Variants in TMEM201 observed in about 807,000 individuals in gnomAD.
TMEM201 encodes transmembrane protein 201.
A neutral mutation model predicts 63.4 loss-of-function variants in TMEM201; 26 were observed. That is an observed-to-expected ratio of 0.41 (90% CI 0.30 to 0.57). TMEM201 has a LOEUF of 0.57. Among genes scored for constraint, TMEM201 ranks in the 20% least tolerant of loss-of-function variants. The probability of loss-of-function intolerance (pLI) is 0.29; values close to 1 mark genes in which losing one functional copy is unlikely to be tolerated. For synonymous variants in TMEM201, 417 were observed against 421.6 expected (o/e 0.99, Z 0.14); for missense variants, 794 against 917.7 (o/e 0.87, Z 1.74).
At position 9,595,958 on chromosome 1, in the gene TMEM201, A is replaced by G; in HGVS notation, c.182A>G (p.Asn61Ser). The change falls in exon 2 of 11, where the codon AAC becomes AGC. Residue 61 changes from asparagine (N) to serine (S), a missense_variant. Coordinates refer to ENST00000340381, the MANE Select transcript of TMEM201 (RefSeq NM_001130924.3). ...CNQDTLVPYG[N>S]RNCWDCPHCE... Reference sequence around the variant, plus strand: ...CAGGATACGCTGGTGCCCTATGGGAACCGCAACTGCTGGGACTGTCCCCAC... The same window carrying G: ...CAGGATACGCTGGTGCCCTATGGGAGCCGCAACTGCTGGGACTGTCCCCAC... 6.2e-7 allele frequency: 1 copy of G among 1,613,594 alleles called. No homozygotes were observed.
chr1:9,591,358 A>T (rs555746726), intron 1 of TMEM201, among the ~76,000 whole-genome samples: 1 of 152,190 alleles, frequency 6.6e-6, no homozygotes, highest in Non-Finnish European at 1.5e-5. Context: ...CCAGAACTTC[A>T]GCTTGTCAGC....
intron 1 of TMEM201, among the ~76,000 whole-genome samples, chr1:9,593,771 G>A (rs1013996729): frequency 1.3e-5 from 2 of 152,184 alleles, no homozygotes; most frequent in African/African-American, 2.4e-5. Context: ...GGGGCCTTCC[G>A]TGGGGATAGG....
Position 9,603,244 on chromosome 1 carries a change from G to A in TMEM201, c.1160+972G>A, listed in dbSNP as rs987994719. 8.1e-6 allele frequency: 8 copies of A among 985,254 alleles called. No homozygotes were observed. Among genetic ancestry groups the A allele is most frequent in the Non-Finnish European group, 9.6e-6 (8 of 829,884 alleles). The allele number at this position is 985,254 out of a possible 1,614,324, so 61.0% of individuals were successfully genotyped here. ...CTCCTCAGTAGCAGGGCCTGGCCAG[G>A]CCCCTGCTGTTCTCAGCCTCAGTTT... is the stretch of plus-strand genomic sequence containing the variant. On this transcript the variant is annotated intron_variant, in intron 6 of 10. Transcript: ENST00000340381. This position sits in a 1 kb window ranked among gnomAD's most constrained non-coding sequence, Gnocchi z 4.5.
At chr1:9,596,511 G>A (rs1569919695) in intron 2 of TMEM201, among the ~76,000 whole-genome samples, 1 of 152,206 alleles carries the variant, frequency 6.6e-6, no homozygotes, top group Non-Finnish European at 1.5e-5. Flanking sequence ...GCTCCTCCAC[G>A]GGTCATAGTG....
chr1:9,600,880 A>G (rs1644125663), intron 4 of TMEM201, among the ~76,000 whole-genome samples: 1 of 152,196 alleles, frequency 6.6e-6, no homozygotes, highest in African/African-American at 2.4e-5. Context: ...AAATAAGGTC[A>G]CTACAATATG....
Position 9,603,653 on chromosome 1 carries a change from G to A in TMEM201, c.1160+1381G>A, listed in dbSNP as rs1365475582. 1.0e-6 allele frequency: 1 copy of A among 985,350 alleles called. No homozygotes were observed. The highest frequency in any genetic ancestry group is 1.2e-6 in the Non-Finnish European group (1 of 829,984). 61.0% of individuals were successfully genotyped at this position (985,350 alleles called of 1,614,324 possible). A position where few individuals can be genotyped will look rare whatever the true frequency, so the allele number is the denominator to read the frequency against. On this transcript the variant is annotated intron_variant, in intron 6 of 10. Transcript: ENST00000340381. This position sits in a 1 kb window ranked among gnomAD's most constrained non-coding sequence, Gnocchi z 4.5. ...TACACCCGTCACCTGGGTCTGCCGGGATGGGTTGGGGGGGCAGGTGCCAGG... is the reference window on the plus strand; with the variant it reads ...TACACCCGTCACCTGGGTCTGCCGGAATGGGTTGGGGGGGCAGGTGCCAGG...
rs568102465 is a variant in TMEM201, at chr1:9,603,741, G to A, written c.1160+1469G>A. On this transcript the variant is annotated intron_variant, in intron 6 of 10. Coordinates refer to ENST00000340381, the MANE Select transcript of TMEM201 (RefSeq NM_001130924.3). The surrounding 1 kb of genome is among the most constrained non-coding windows in gnomAD (Gnocchi z 4.5). ...GAGGCTGCCCCACCCCAGTGATTGG[G>A]TAGCAGCTCACATCCCACCCAGCTT... 1.8e-4 allele frequency: 174 copies of A among 985,444 alleles called. 1 individual carries two copies. In the East Asian group the frequency reaches 3.3e-3, roughly 19 times the overall value. 61.0% of individuals were successfully genotyped at this position (985,444 alleles called of 1,614,324 possible). A position where few individuals can be genotyped will look rare whatever the true frequency, so the allele number is the denominator to read the frequency against.
At chr1:9,593,621 T>A (rs1269658652) in intron 1 of TMEM201, among the ~76,000 whole-genome samples, 1 of 152,292 alleles carries the variant, frequency 6.6e-6, no homozygotes, top group Non-Finnish European at 1.5e-5. Flanking sequence ...AGATTCAGAA[T>A]GGAAACATGA....
chr1:9,614,256 C>T lies in TMEM201; in HGVS notation c.*1173C>T, dbSNP rs1294762416. 1 of 152,048 alleles carries T rather than the reference C, an allele frequency of 6.6e-6. No individual in the cohort carries two copies. Among genetic ancestry groups the T allele is most frequent in the Non-Finnish European group, 1.5e-5 (1 of 68,006 alleles). 9.4% of individuals were successfully genotyped at this position (152,048 alleles called of 1,614,324 possible). A position where few individuals can be genotyped will look rare whatever the true frequency, so the allele number is the denominator to read the frequency against. ...GGCGGGAAGAAGGGTCTTCACTCTG[C>T]CATTCAGGGATAAAGTTTAATTTTA... On this transcript the variant is annotated 3_prime_UTR_variant, in exon 11 of 11. Coordinates refer to ENST00000340381, the MANE Select transcript of TMEM201 (RefSeq NM_001130924.3).
At position 9,601,443 on chromosome 1, in the gene TMEM201, T is replaced by C; in HGVS notation, c.945T>C (p.Ala315=). 1 of 1,586,568 alleles carries C rather than the reference T, an allele frequency of 6.3e-7. No individual in the cohort carries two copies. The highest frequency in any genetic ancestry group is 8.5e-7 in the Non-Finnish European group (1 of 1,170,934). ...CCTGCCTGCTGGCAATGCTGCTGGC[T>C]GGCCGCATCAGGTGTGCATGGGGCC... The part of the protein sequence containing the change: ...LLTCLLAMLL[A]GRIRLRRIDA... The change falls in exon 5 of 11, where the codon GCT becomes GCC. Residue 315 remains alanine (A), a synonymous_variant. Transcript: ENST00000340381.
At chr1:9,599,796 G>T (rs1644101407) in intron 4 of TMEM201, among the ~76,000 whole-genome samples, 2 of 150,974 alleles carry the variant, frequency 1.3e-5, no homozygotes, top group South Asian at 4.2e-4. Context: ...ATTTTTAGTA[G>T]AGACGGGTTT....
Position 9,605,660 on chromosome 1 carries a change from A to G in TMEM201, c.1161-1897A>G, listed in dbSNP as rs772780433. Among the ~76,000 whole-genome samples, 1 of 151,826 alleles carries G rather than the reference A, an allele frequency of 6.6e-6. No individual in the cohort carries two copies. The highest frequency in any genetic ancestry group is 1.5e-5 in the Non-Finnish European group (1 of 67,970). ...AGTGAGGGAGTCAAACTGCGAAGGA[A>G]CTCCCCACAGCACCATCTTCAGTGG... On this transcript the variant is annotated intron_variant, in intron 6 of 10. Transcript: ENST00000340381. The surrounding 1 kb of genome is among the most constrained non-coding windows in gnomAD (Gnocchi z 5.7).
In TMEM201 at chr1:9,612,012, C is replaced by T. The variant is rs1163096128; in HGVS notation, c.1903+122C>T. Reference sequence around the variant, plus strand: ...CCAGGACATTGCAGTCCCTGAGTGGCCGACAAGTAACCCACCCGGCGCCTC... The same window carrying T: ...CCAGGACATTGCAGTCCCTGAGTGGTCGACAAGTAACCCACCCGGCGCCTC... On this transcript the variant is annotated intron_variant, in intron 10 of 10. Transcript: ENST00000340381. 3.3e-6 allele frequency: 4 copies of T among 1,205,122 alleles called. No individual in the cohort carries two copies. In the Admixed American group the frequency reaches 1.2e-4, roughly 35 times the overall value. 74.7% of individuals were successfully genotyped at this position (1,205,122 alleles called of 1,614,324 possible).
rs188404382 is a variant in TMEM201, at chr1:9,595,382, G to A, written c.114-508G>A. On this transcript the variant is annotated intron_variant, in intron 1 of 10. Transcript: ENST00000340381. ...CATCCTGGGACTGTCTCTCTCTGGA[G>A]CACAGGAGGCCCCTTTCAATCTGGA... Among the ~76,000 whole-genome samples the A allele has an allele frequency of 3.3e-5, 5 of 152,302 alleles. No homozygotes were observed. The East Asian group carries it at 9.7e-4, about 29-fold the overall frequency.
At chr1:9,612,043 C>T (rs1644331803) in intron 10 of TMEM201, among the ~76,000 whole-genome samples, 153 bp downstream of exon 10, 1 of 152,236 alleles carries the variant, frequency 6.6e-6, no homozygotes, top group Non-Finnish European at 1.5e-5. Flanking sequence ...GCCTCTGAAT[C>T]CAGGGTCAGG....
Position 9,595,999 on chromosome 1 carries a change from G to A in TMEM201, c.223G>A (p.Gly75Ser). 4 of 1,612,670 alleles carry A rather than the reference G, an allele frequency of 2.5e-6. No individual in the cohort carries two copies. The highest frequency in any genetic ancestry group is 1.1e-5 in the South Asian group (1 of 91,032). The change falls in exon 2 of 11, where the codon GGC becomes AGC. Residue 75 changes from glycine (G) to serine (S), a missense_variant. Transcript: ENST00000340381. ...CTGTCCCCACTGCGAGCAGTACAACGGCTTCCAGGAGGTGTGGGTCACAGG... is the reference window on the plus strand; with the variant it reads ...CTGTCCCCACTGCGAGCAGTACAACAGCTTCCAGGAGGTGTGGGTCACAGG... ...WDCPHCEQYN[G>S]FQENGDYNKP...
chr1:9,590,122 G>A (rs986673549), intron 1 of TMEM201, among the ~76,000 whole-genome samples: 23 of 152,188 alleles, frequency 1.5e-4, no homozygotes, highest in African/African-American at 5.5e-4. Flanking sequence ...CTGGAGGATG[G>A]GCCAGATGTG....
At position 9,605,164 on chromosome 1, in the gene TMEM201, T is replaced by C. The variant is rs1241023365; in HGVS notation, c.1161-2393T>C. ...TTTTCCGTCTCAATAAACTGTTGCT[T>C]AAAACGTGGTCTCTCTCCTTCCACT... On this transcript the variant is annotated intron_variant, in intron 6 of 10. Coordinates refer to ENST00000340381, the MANE Select transcript of TMEM201 (RefSeq NM_001130924.3). This position sits in a 1 kb window ranked among gnomAD's most constrained non-coding sequence, Gnocchi z 5.7. Among the ~76,000 whole-genome samples the C allele has an allele frequency of 6.6e-6, 1 of 152,160 alleles. No individual in the cohort carries two copies. Among genetic ancestry groups the C allele is most frequent in the East Asian group, 1.9e-4 (1 of 5,196 alleles).
chr1:9,611,735 A>G lies in TMEM201; in HGVS notation c.1766-18A>G, dbSNP rs1644326836. Reference sequence around the variant, plus strand: ...GGAGCCATGAGCGCCACTGAGAAACACACCCTTCTCTCTGCAGACCTGAGA... The same window carrying G: ...GGAGCCATGAGCGCCACTGAGAAACGCACCCTTCTCTCTGCAGACCTGAGA... On this transcript the variant is annotated intron_variant, in intron 9 of 10. Transcript: ENST00000340381. 1.3e-6 allele frequency: 2 copies of G among 1,549,896 alleles called. No homozygotes were observed. Among genetic ancestry groups the G allele is most frequent in the Non-Finnish European group, 1.7e-6 (2 of 1,146,144 alleles).
Sources: gnomAD v4.1 joint callset for allele counts (sites outside exome capture counted in the v4.1 genomes callset) on GRCh38, gnomAD v4.1.1 for gene constraint, Gnocchi (gnomAD v3.1) non-coding constraint, MANE v1.5 for transcripts, NCBI Gene and HGNC (gene_info 2026-07-23, HGNC 2026-07-21) for gene names.